Variants in PLEC observed in about 807,000 individuals in gnomAD.
The protein encoded by PLEC is hemidesmosomal protein 1.
In PLEC, 216 loss-of-function variants were observed where a neutral mutation model predicts 392.8. The ratio of observed to expected loss-of-function variants is 0.55; its 90% CI spans 0.49 to 0.62. The LOEUF (loss-of-function observed/expected upper bound fraction) is 0.62, where lower values mean the gene tolerates loss of function less well. PLEC is among the 20% of genes least tolerant of loss of function. The probability of loss-of-function intolerance (pLI) is 0.00; values close to 1 mark genes in which losing one functional copy is unlikely to be tolerated. For missense variants in PLEC, 6,863 were observed against 6,563.4 expected (o/e 1.05, Z -1.58); for synonymous variants, 3,621 against 2,980.6 (o/e 1.21, Z -7.00).
chr8:143,939,214 G>T, intron 1 of PLEC, 136 bp downstream of exon 1: 1 of 1,225,996 alleles, frequency 8.2e-7, no homozygotes, highest in Non-Finnish European at 1.1e-6. Flanking sequence ...TGTTGGGTGG[G>T]GATGGCTGGC....
intron 31 of PLEC, 41 bp downstream of exon 31, chr8:143,922,463 C>A: frequency 6.2e-7 from 1 of 1,601,694 alleles, no homozygotes; most frequent in Non-Finnish European, 8.5e-7. Flanking sequence ...CAAAGCAGAT[C>A]CCCGGGCCCA....
rs1825665450 is a variant in PLEC at position 143,927,542 on chromosome 8, C to T, written c.3624G>A (p.Gln1208=). Residue 1208 remains glutamine, a synonymous_variant, in exon 27 of 32, where the codon CAG becomes CAA. Transcript: ENST00000345136. ...RQRELEQLGR[Q]LRYYRESADP... is the part of the protein sequence containing the mutation. Reference sequence around the variant, plus strand: ...CTGCACTCTCGCGGTAGTAACGCAGCTGGCGGCCCAGTTGCTCGAGCTCGC... The same window carrying T: ...CTGCACTCTCGCGGTAGTAACGCAGTTGGCGGCCCAGTTGCTCGAGCTCGC... 3 of 1,596,394 alleles carry T rather than the reference C, an allele frequency of 1.9e-6. No individual in the cohort carries two copies. Among genetic ancestry groups the T allele is most frequent in the East Asian group, 4.5e-5 (2 of 44,736 alleles).
At position 143,919,105 on chromosome 8, in the gene PLEC, G is replaced by A. The variant is rs34365303; in HGVS notation, c.10716C>T (p.Ile3572=). The change falls in exon 32 of 32, where the codon ATC becomes ATT. Residue 3572 remains isoleucine, a synonymous_variant. Transcript: ENST00000345136. ...CGTGGCTGCCGCCGCCGGGAATGTC[G>A]ATCTGTGTCTCTTCAAATGCCCTTC... The part of the protein sequence containing the change: ...ETRRAFEETQ[I]DIPGGGSHGG... The A allele has an allele frequency of 6.3e-4, 1,010 of 1,612,494 alleles. 1 individual carries two copies. The highest frequency in any genetic ancestry group is 7.6e-4 in the Non-Finnish European group (892 of 1,180,014).
rs375593618 is a variant in PLEC, at chr8:143,916,836, G to A, written c.12985C>T (p.Arg4329Cys). 164 of 1,612,668 alleles carry A rather than the reference G, an allele frequency of 1.0e-4. 2 individuals carry two copies. The South Asian group carries it at 1.1e-3, about 11-fold the overall frequency. ...TTGACGGCGTCGGTGACAGGGAAGCGCTCACCGGTGCTGGGGTCGATGATG... is the reference window on the plus strand; with the variant it reads ...TTGACGGCGTCGGTGACAGGGAAGCACTCACCGGTGCTGGGGTCGATGATG... Reference protein sequence around the residue: ...GGIIDPSTGERFPVTDAVNKG... With the variant: ...GGIIDPSTGECFPVTDAVNKG... Residue 4329 changes from arginine to cysteine, a missense_variant, in exon 32 of 32, where the codon CGC (arginine) becomes TGC (cysteine). By Grantham distance (180) the Arg-to-Cys change is radical. Transcript: ENST00000345136.
rs569179214 is a variant in PLEC, at chr8:143,927,153, C to T, written c.3841-72G>A. ...CCCCTGCCCAGCCCCTAAACCCTCA[C>T]ATGGGCTTTCCCTGGCATGGCCCAG... On this transcript the variant is annotated intron_variant, in intron 28 of 31. Coordinates refer to ENST00000345136, the MANE Select transcript of PLEC (RefSeq NM_201384.3). 22 of 1,564,274 alleles carry T rather than the reference C, an allele frequency of 1.4e-5. No individual in the cohort carries two copies. In the African/African-American group the frequency reaches 3.0e-4, roughly 21 times the overall value.
At position 143,921,496 on chromosome 8, in the gene PLEC, A is replaced by G. The variant is rs782599319; in HGVS notation, c.8325T>C (p.Thr2775=). The change falls in exon 32 of 32, where the codon ACT becomes ACC. Residue 2775 remains threonine, a synonymous_variant. Coordinates refer to ENST00000345136, the MANE Select transcript of PLEC (RefSeq NM_201384.3). Reference sequence around the variant, plus strand: ...GGCCAGTGTAGGGGTCCTTGTAGCCAGTGACGGCGCGCTCGGCCGACAGCA... The same window carrying G: ...GGCCAGTGTAGGGGTCCTTGTAGCCGGTGACGGCGCGCTCGGCCGACAGCA... ...HKLLSAERAV[T]GYKDPYTGQQ... is the part of the protein sequence containing the mutation. The G allele has an allele frequency of 1.7e-5, 27 of 1,612,930 alleles. No individual in the cohort carries two copies. Among genetic ancestry groups the G allele is most frequent in the East Asian group, 4.5e-5 (2 of 44,878 alleles).
Position 143,922,801 on chromosome 8 carries a change from C to T in PLEC, c.7128G>A (p.Leu2376=), listed in dbSNP as rs1554690525. The change falls in exon 31 of 32, where the codon CTG becomes CTA. Residue 2376 remains leucine, a synonymous_variant. Transcript: ENST00000345136. ...GGCGCTCAGCCTCAGCGCTCATCTC[C>T]AGCTGCCGCTGCCGCTCGGCCTCCA... ...RTLEAERQRQ[L]EMSAEAERLK... is the part of the protein sequence containing the mutation. 6.3e-7 allele frequency: 1 copy of T among 1,591,108 alleles called. No homozygotes were observed. Among genetic ancestry groups the T allele is most frequent in the South Asian group, 1.1e-5 (1 of 88,872 alleles).
At position 143,918,595 on chromosome 8, in the gene PLEC, C is replaced by A. The variant is rs782537159; in HGVS notation, c.11226G>T (p.Leu3742=). The A allele has an allele frequency of 9.3e-6, 15 of 1,612,414 alleles. No individual in the cohort carries two copies. The South Asian group carries it at 1.6e-4, about 18-fold the overall frequency. Residue 3742 remains leucine, a synonymous_variant, in exon 32 of 32, where the codon CTG becomes CTT. Coordinates refer to ENST00000345136, the MANE Select transcript of PLEC (RefSeq NM_201384.3). ...FLLDPVKGER[L]TVDEAVRKGL... Reference sequence around the variant, plus strand: ...CCTTCCGCACAGCCTCATCCACAGTCAGCCGCTCCCCCTTCACCGGGTCCA... The same window carrying A: ...CCTTCCGCACAGCCTCATCCACAGTAAGCCGCTCCCCCTTCACCGGGTCCA...
In PLEC at chr8:143,924,930, C is replaced by T. The variant is rs782503404; in HGVS notation, c.4999G>A (p.Glu1667Lys). The change falls in exon 31 of 32, where the codon GAG (glutamate) becomes AAG (lysine). Residue 1667 changes from glutamate to lysine, a missense_variant. Transcript: ENST00000345136. ...LAQAEAEKQK[E>K]EAEREARRRG... ...CGCCGCGCCTCGCGCTCCGCCTCCTCCTTCTGCTTCTCAGCCTCGGCCTGC... is the reference window on the plus strand; with the variant it reads ...CGCCGCGCCTCGCGCTCCGCCTCCTTCTTCTGCTTCTCAGCCTCGGCCTGC... The T allele has an allele frequency of 6.3e-6, 10 of 1,584,838 alleles. No homozygotes were observed. The East Asian group carries it at 9.1e-5, about 14-fold the overall frequency.
chr8:143,923,372 T>A lies in PLEC; in HGVS notation c.6557A>T (p.Gln2186Leu). ...QTLRQKAQVE[Q>L]ELTTLRLQLE... The stretch of plus-strand genomic sequence containing the variant: ...CTGCAGCCGCAGTGTTGTCAGCTCC[T>A]GCTCCACCTGCGCCTTCTGCCGCAG... The change falls in exon 31 of 32, where the codon CAG (glutamine) becomes CTG (leucine). Residue 2186 changes from glutamine (Q) to leucine (L), a missense_variant. Physicochemically the swap from Gln to Leu is moderately radical, Grantham distance 113 (BLOSUM62 -2). Transcript: ENST00000345136. 1 of 1,610,546 alleles carries A rather than the reference T, an allele frequency of 6.2e-7. No individual in the cohort carries two copies. Among genetic ancestry groups the A allele is most frequent in the Non-Finnish European group, 8.5e-7 (1 of 1,179,488 alleles).
At chr8:143,955,674 A>G (rs1388338814), upstream of PLEC, among the ~76,000 whole-genome samples, 1 of 151,934 alleles carries the variant, frequency 6.6e-6, no homozygotes, top group Non-Finnish European at 1.5e-5. Flanking sequence ...ATCACGGCTC[A>G]CAGCAGCCTC....
chr8:143,927,043 A>G lies in PLEC; in HGVS notation c.3879T>C (p.Leu1293=). 6.2e-7 allele frequency: 1 copy of G among 1,612,402 alleles called. No individual in the cohort carries two copies. The highest frequency in any genetic ancestry group is 8.5e-7 in the Non-Finnish European group (1 of 1,179,980). The change falls in exon 29 of 32, where the codon CTT becomes CTC. Residue 1293 remains leucine (L), a synonymous_variant. Transcript: ENST00000345136. ...ELQLVTYKAQ[L]EPVASPAKKP... ...TCTTGGCCGGGGAGGCCACCGGCTC[A>G]AGCTGCGCCTTGTACGTCACCAGCT... is the stretch of plus-strand genomic sequence containing the variant.
In PLEC at chr8:143,916,798, C is replaced by T. The variant is rs567904252; in HGVS notation, c.13023G>A (p.Val4341=). 9.9e-6 allele frequency: 16 copies of T among 1,613,284 alleles called. No homozygotes were observed. The Middle Eastern group carries it at 4.9e-4, about 50-fold the overall frequency. Reference sequence around the variant, plus strand: ...TGATGCGGTCCACCATGATCTTGTCCACCAGGCCCTTGTTGACGGCGTCGG... The same window carrying T: ...TGATGCGGTCCACCATGATCTTGTCTACCAGGCCCTTGTTGACGGCGTCGG... ...PVTDAVNKGL[V]DKIMVDRINL... The change falls in exon 32 of 32, where the codon GTG becomes GTA. Residue 4341 remains valine (V), a synonymous_variant. Transcript: ENST00000345136.
intron 12 of PLEC, among the ~76,000 whole-genome samples, chr8:143,933,790 C>T (rs1438102074): frequency 6.6e-6 from 1 of 152,172 alleles, no homozygotes; most frequent in Non-Finnish European, 1.5e-5. Context: ...TGGCCAGAAA[C>T]CAACTCTGCC....
intron 30 of PLEC, 136 bp downstream of exon 30, chr8:143,926,648 G>C (rs879996117): frequency 3.8e-6 from 3 of 797,204 alleles, no homozygotes; most frequent in South Asian, 2.7e-5. Flanking sequence ...CTGGGGGCAG[G>C]GGGTGCTGGC....
At chr8:143,927,221 T>C (rs1354915229) in intron 28 of PLEC, 31 bp downstream of exon 28, 8 of 1,605,306 alleles carry the variant, frequency 5.0e-6, no homozygotes, top group Non-Finnish European at 6.8e-6. Context: ...GGTCCCGGAC[T>C]TGGGGCCTGG....
exon 1 of PLEC, chr8:143,950,204 G>C (rs201053471): frequency 2.6e-6 from 4 of 1,538,260 alleles, no homozygotes; most frequent in Non-Finnish European, 1.8e-6. Context: ...GGCAGGCTCC[G>C]GGCCTGGCCT....
chr8:143,916,486 G>T lies in PLEC; in HGVS notation c.13335C>A (p.Ser4445=), dbSNP rs1554669268. 6.2e-7 allele frequency: 1 copy of T among 1,611,932 alleles called. No homozygotes were observed. The highest frequency in any genetic ancestry group is 2.2e-5 in the East Asian group (1 of 44,818). Residue 4445 remains serine (S), a synonymous_variant, in exon 32 of 32, where the codon TCC becomes TCA. Transcript: ENST00000345136. The stretch of plus-strand genomic sequence containing the variant: ...TGCTGCGGTCCAGCGCGTCCTTATA[G>T]GAGATCTTGAGCTTGGTCTTAGGGC... The part of the protein sequence containing the change: ...LTCPKTKLKI[S]YKDALDRSMV...
At position 143,924,388 on chromosome 8, in the gene PLEC, C is replaced by G. The variant is rs1359590722; in HGVS notation, c.5541G>C (p.Arg1847=). 1.3e-6 allele frequency: 2 copies of G among 1,595,644 alleles called. No homozygotes were observed. Among genetic ancestry groups the G allele is most frequent in the Admixed American group, 3.3e-5 (2 of 59,864 alleles). ...EKLAAIGEAT[R]LKTEAEIALK... is the part of the protein sequence containing the mutation. ...GCGCGATCTCCGCCTCCGTCTTGAG[C>G]CGCGTGGCCTCGCCGATGGCGGCCA... Residue 1847 remains arginine (R), a synonymous_variant, in exon 31 of 32, where the codon CGG becomes CGC. Transcript: ENST00000345136.
Sources: gnomAD v4.1 joint callset for allele counts (sites outside exome capture counted in the v4.1 genomes callset) on GRCh38, gnomAD v4.1.1 for gene constraint, MANE v1.5 for transcripts, NCBI Gene and HGNC (gene_info 2026-07-23, HGNC 2026-07-21) for gene names.